AP3D1: variants seen among roughly 807,000 people sequenced by gnomAD.
AP3D1 encodes AP-3 complex subunit delta-1.
Under a neutral mutation model 147.6 loss-of-function variants are expected in AP3D1, and 51 were observed. The ratio of observed to expected loss-of-function variants is 0.35; its 90% CI spans 0.28 to 0.44. The LOEUF (loss-of-function observed/expected upper bound fraction) is 0.44. Among genes scored for constraint, AP3D1 ranks in the 20% least tolerant of loss-of-function variants. The pLI is 1.00. For synonymous variants in AP3D1, 760 were observed against 663.0 expected, an observed-to-expected ratio of 1.15 and a Z score of -2.25; for missense variants, 1,421 against 1,624.2, an observed-to-expected ratio of 0.87 and a Z score of 2.15.
chr19:2,138,752 A>G, intron 1 of AP3D1, 38 bp from the exon 2 acceptor site: 1 of 1,439,022 alleles, frequency 6.9e-7, no homozygotes, highest in Non-Finnish European at 9.7e-7. Context: ...ACAAACATCC[A>G]GCTAAGAGGG....
intron 1 of AP3D1, among the ~76,000 whole-genome samples, chr19:2,160,340 C>T (rs532813591): frequency 1.3e-5 from 2 of 152,084 alleles, no homozygotes; most frequent in South Asian, 4.1e-4. Flanking sequence ...ACCAGCCTAG[C>T]CAACATGGTG....
chr19:2,110,911 C>T lies in AP3D1; in HGVS notation c.2986-15G>A. The T allele has an allele frequency of 6.2e-7, 1 of 1,610,462 alleles. No homozygotes were observed. Among genetic ancestry groups the T allele is most frequent in the Non-Finnish European group, 8.5e-7 (1 of 1,178,708 alleles). ...ATGTCACAGGTCTGCAGGGCATGGCCAGTGTTAGCAGGGCAGGCGGGCCCG... is the reference window on the plus strand; with the variant it reads ...ATGTCACAGGTCTGCAGGGCATGGCTAGTGTTAGCAGGGCAGGCGGGCCCG... On this transcript the variant is annotated splice_polypyrimidine_tract_variant and intron_variant, in intron 26 of 31. Transcript: ENST00000643116.
At chr19:2,115,669 G>T in intron 18 of AP3D1, 56 bp from the exon 19 acceptor site, 1 of 1,556,834 alleles carries the variant, frequency 6.4e-7, no homozygotes. Context: ...ACACGTGCAA[G>T]ACAAGCCTCG....
In AP3D1 at chr19:2,109,798, G is replaced by A. The variant is rs74799580; in HGVS notation, c.3350+75C>T. On this transcript the variant is annotated intron_variant, in intron 29 of 31. Coordinates refer to ENST00000643116, the MANE Select transcript of AP3D1 (RefSeq NM_001261826.3). ...GTCCTGCCCAGAAGCCTCAGTCCCC[G>A]GGGCACAGGTGTCTGCAAGGTAGAG... 3,255 of 1,396,988 alleles carry A rather than the reference G, an allele frequency of 2.3e-3. 50 individuals are homozygous for A. The African/African-American group carries it at 0.033, about 14-fold the overall frequency. The allele number at this position is 1,396,988 out of a possible 1,614,324, so 86.5% of individuals were successfully genotyped here.
intron 14 of AP3D1, 122 bp downstream of exon 14, chr19:2,120,740 C>T: frequency 1.0e-6 from 1 of 987,214 alleles, no homozygotes; most frequent in South Asian, 1.6e-5. Context: ...CACGGACCTG[C>T]AAGACGGCCG....
At chr19:2,120,777 G>A (rs898234930) in intron 14 of AP3D1, 85 bp downstream of exon 14, 27 of 1,375,732 alleles carry the variant, frequency 2.0e-5, no homozygotes, top group Admixed American at 7.1e-5. Context: ...GGAGACGGTA[G>A]GAAGGATCTG....
intron 1 of AP3D1, among the ~76,000 whole-genome samples, chr19:2,145,782 T>C (rs1027108751): frequency 6.6e-6 from 1 of 152,174 alleles, no homozygotes. Flanking sequence ...CCAAGCCTTC[T>C]GCCCAGAGAT....
intron 4 of AP3D1, among the ~76,000 whole-genome samples, chr19:2,134,085 G>A (rs888929561): frequency 2.6e-5 from 4 of 151,972 alleles, no homozygotes; most frequent in Non-Finnish European, 5.9e-5. Context: ...GCGACAGAGT[G>A]AGACTCTGTC....
intron 1 of AP3D1, among the ~76,000 whole-genome samples, chr19:2,150,627 A>G (rs1420772587): frequency 6.6e-6 from 1 of 152,116 alleles, no homozygotes; most frequent in Non-Finnish European, 1.5e-5. Flanking sequence ...CACTGGAGGC[A>G]ACGCCCCAAG....
intron 1 of AP3D1, among the ~76,000 whole-genome samples, chr19:2,149,977 G>C (rs2019461977): frequency 6.6e-6 from 1 of 152,274 alleles, no homozygotes; most frequent in Non-Finnish European, 1.5e-5. Flanking sequence ...GAGAGCTTCT[G>C]AGATGAAGAA....
chr19:2,164,489 G>A (rs2019832043), upstream of AP3D1: 3 of 321,110 alleles, frequency 9.3e-6, no homozygotes, highest in South Asian at 4.7e-4. Flanking sequence ...GCGGGAGCCG[G>A]CGCCCCCGAG....
At position 2,160,863 on chromosome 19, in the gene AP3D1, C is replaced by T. The variant is rs1444906328; in HGVS notation, c.-103+3493G>A. Among the ~76,000 whole-genome samples, 3 of 152,136 alleles carry T rather than the reference C, an allele frequency of 2.0e-5. No individual in the cohort carries two copies. In the East Asian group the frequency reaches 5.8e-4, roughly 29 times the overall value. On this transcript the variant is annotated intron_variant, in intron 1 of 14. Transcript: ENST00000643010. ...GTAAGCAGCGTCCGTGGCCTCCACC[C>T]ACTCCATGCCAGGAGCTTCCTTGCA...
chr19:2,141,877 A>C (rs1272410251), intron 1 of AP3D1, among the ~76,000 whole-genome samples: 1 of 151,538 alleles, frequency 6.6e-6, no homozygotes, highest in Non-Finnish European at 1.5e-5. Context: ...AGTACAGTAA[A>C]TAGCTGGGAT....
rs28525198 is a variant in AP3D1 at position 2,112,840 on chromosome 19, T to C, written c.2787+20A>G. ...GGCTCATGCAGCCCTCCACAGCCCC[T>C]GGGGGAGTGACAGCCTCACCTTGTC... On this transcript the variant is annotated intron_variant, in intron 24 of 31. Coordinates refer to ENST00000643116, the MANE Select transcript of AP3D1 (RefSeq NM_001261826.3). 2,855 of 1,594,770 alleles carry C rather than the reference T, an allele frequency of 1.8e-3. 49 individuals carry two copies. In the African/African-American group the frequency reaches 0.033, roughly 18 times the overall value.
At chr19:2,104,870 C>T (rs569180410) in intron 31 of AP3D1, among the ~76,000 whole-genome samples, 1 of 151,872 alleles carries the variant, frequency 6.6e-6, no homozygotes, top group Non-Finnish European at 1.5e-5. Flanking sequence ...GACCTGGGGT[C>T]TTGCCATGTT....
In AP3D1 at chr19:2,101,951, G is replaced by C. The variant is rs2017965525; in HGVS notation, c.*222C>G. 2.1e-5 allele frequency: 11 copies of C among 529,336 alleles called. No homozygotes were observed. Among genetic ancestry groups the C allele is most frequent in the Non-Finnish European group, 3.7e-5 (11 of 298,238 alleles). The allele number at this position is 529,336 out of a possible 1,614,324, so 32.8% of individuals were successfully genotyped here. The stretch of plus-strand genomic sequence containing the variant: ...CCTTGCTGGTTTGGGGGCGAGAAGG[G>C]GACTTCTTGCCAAAGAGAATGGGAA... On this transcript the variant is annotated 3_prime_UTR_variant, in exon 32 of 32. Coordinates refer to ENST00000643116, the MANE Select transcript of AP3D1 (RefSeq NM_001261826.3).
intron 26 of AP3D1, 61 bp from the exon 27 acceptor site, chr19:2,110,957 C>CA: frequency 6.5e-7 from 1 of 1,550,118 alleles, no homozygotes; most frequent in Non-Finnish European, 8.8e-7. Context: ...CAGGCACAGC[C>CA]ACCTGTCTCT....
intron 1 of AP3D1, among the ~76,000 whole-genome samples, chr19:2,150,529 T>C (rs543011415): frequency 1.9e-3 from 284 of 152,324 alleles, no homozygotes; most frequent in African/African-American, 6.6e-3. Flanking sequence ...CCATTCCAGC[T>C]TCCCGCAAGC....
intron 1 of AP3D1, among the ~76,000 whole-genome samples, chr19:2,142,446 G>A (rs1443709617): frequency 6.6e-6 from 1 of 152,012 alleles, no homozygotes; most frequent in African/African-American, 2.4e-5. Flanking sequence ...CACCGCACCT[G>A]GCTGGCGCTT....
Sources: allele counts gnomAD v4.1 joint callset (sites outside exome capture counted in the v4.1 genomes callset), GRCh38; gene constraint gnomAD v4.1.1; transcripts MANE v1.5; gene names NCBI Gene and HGNC (gene_info 2026-07-23, HGNC 2026-07-21).